Variants in CASZ1 observed in about 807,000 individuals in gnomAD.
CASZ1 encodes the protein castor zinc finger 1.
A neutral mutation model predicts 135.2 loss-of-function variants in CASZ1; 28 were observed. That is an observed-to-expected ratio of 0.21 (90% CI 0.15 to 0.28). The LOEUF (loss-of-function observed/expected upper bound fraction) is 0.28, where lower values mean the gene tolerates loss of function less well. CASZ1 is among the 10% of genes least tolerant of loss of function. The probability of loss-of-function intolerance (pLI) is 1.00; values close to 1 mark genes in which losing one functional copy is unlikely to be tolerated. For missense variants in CASZ1, 2,161 were observed against 2,453.3 expected (o/e 0.88, Z 2.52); for synonymous variants, 1,068 against 1,073.4 (o/e 0.99, Z 0.10).
chr1:10,668,745 T>G (rs1643314453), intron 4 of CASZ1, among the ~76,000 whole-genome samples: 1 of 152,260 alleles, frequency 6.6e-6, no homozygotes, highest in Admixed American at 6.5e-5. Flanking sequence ...GGCAAGATTT[T>G]TCCCTGTAGA....
At chr1:10,648,820 C>A in intron 15 of CASZ1, 1 of 517,354 alleles carries the variant, frequency 1.9e-6, no homozygotes, top group Non-Finnish European at 3.5e-6. Flanking sequence ...GCCCTGGGGA[C>A]GTGGGTGCAG....
intron 2 of CASZ1, among the ~76,000 whole-genome samples, chr1:10,754,876 A>G (rs144133424): frequency 3.3e-3 from 510 of 152,352 alleles, no homozygotes; most frequent in Non-Finnish European, 6.2e-3. Context: ...AAGGGAAAAA[A>G]AAGTCGCTTT....
rs768235168 is a variant in CASZ1, at chr1:10,747,974, G to T, written c.-77+12727C>A. On this transcript the variant is annotated intron_variant, in intron 2 of 20. Coordinates refer to ENST00000377022, the MANE Select transcript of CASZ1 (RefSeq NM_001079843.3). This position sits in a 1 kb window ranked among gnomAD's most constrained non-coding sequence, Gnocchi z 4.3. ...TGGGACTAGAGGCACCCGCCACCAC[G>T]CCCGGCTAAGTTTTTTGTATTTTTT... Among the ~76,000 whole-genome samples the T allele has an allele frequency of 6.6e-6, 1 of 152,076 alleles. No homozygotes were observed. Among genetic ancestry groups the T allele is most frequent in the African/African-American group, 2.4e-5 (1 of 41,382 alleles).
rs970141625 is a variant in CASZ1, at chr1:10,741,220, C to A, written c.-77+19481G>T. 7.2e-5 allele frequency among the ~76,000 whole-genome samples: 11 copies of A among 152,270 alleles called. No individual in the cohort carries two copies. The highest frequency in any genetic ancestry group is 2.6e-4 in the African/African-American group (11 of 41,568). ...CTGGTCTCCAACTCCTGACCTCAGG[C>A]GATCCACCCACCTCAGCTTCCCAAA... On this transcript the variant is annotated intron_variant, in intron 2 of 20. Coordinates refer to ENST00000377022, the MANE Select transcript of CASZ1 (RefSeq NM_001079843.3). The surrounding 1 kb of genome is among the most constrained non-coding windows in gnomAD (Gnocchi z 5.0).
At chr1:10,728,701 CG>C (rs1557536260) in intron 2 of CASZ1, among the ~76,000 whole-genome samples, 1 of 151,978 alleles carries the variant, frequency 6.6e-6, no homozygotes, top group African/African-American at 2.4e-5. Context: ...AAAAAAGCCT[CG>C]TTAGTTGCCA....
In CASZ1 at chr1:10,649,376, C is replaced by T. The variant is rs1642483408; in HGVS notation, c.2942G>A (p.Ser981Asn). 2 of 1,607,624 alleles carry T rather than the reference C, an allele frequency of 1.2e-6. No individual in the cohort carries two copies. Among genetic ancestry groups the T allele is most frequent in the Middle Eastern group, 1.7e-4 (1 of 6,048 alleles). Residue 981 changes from serine to asparagine, a missense_variant, in exon 14 of 21, where the codon AGC (serine) becomes AAC (asparagine). Ser to Asn is a conservative substitution (Grantham distance 46, BLOSUM62 1). Coordinates refer to ENST00000377022, the MANE Select transcript of CASZ1 (RefSeq NM_001079843.3). ...LLNIKAEAEG[S>N]PAAEPSPFLG... is the part of the protein sequence containing the mutation. Reference sequence around the variant, plus strand: ...GAAGGGCGAGGGCTCCGCAGCGGGGCTCCCCTCCGCTTCCGCCTTGATGTT... The same window carrying T: ...GAAGGGCGAGGGCTCCGCAGCGGGGTTCCCCTCCGCTTCCGCCTTGATGTT...
rs745664959 is a variant in CASZ1, at chr1:10,653,973, C to T, written c.2084G>A (p.Arg695Gln). 1.5e-5 allele frequency: 24 copies of T among 1,613,804 alleles called. No individual in the cohort carries two copies. The South Asian group carries it at 2.0e-4, about 13-fold the overall frequency. Residue 695 changes from arginine (R) to glutamine (Q), a missense_variant, in exon 11 of 21, where the codon CGG (arginine) becomes CAG (glutamine). Around this residue, in one of 7 missense-constraint regions of CASZ1, gnomAD observed 248 missense variants for 410.8 expected, o/e 0.60. Coordinates refer to ENST00000377022, the MANE Select transcript of CASZ1 (RefSeq NM_001079843.3). ...CAGCGCGCCCGAGGAGCGGATGTGC[C>T]GGCGCTCATGCTTGCGCTTGTGAGA... ...MTSHKRKHER[R>Q]HIRSSGALGL...
At chr1:10,763,215 G>A (rs1007807500) in intron 1 of CASZ1, among the ~76,000 whole-genome samples, 2 of 152,198 alleles carry the variant, frequency 1.3e-5, no homozygotes, top group African/African-American at 2.4e-5. Context: ...AGTGCAGAGC[G>A]CAGAGGCCGG....
At chr1:10,672,122 C>A (rs750310837) in intron 4 of CASZ1, among the ~76,000 whole-genome samples, 26 of 152,062 alleles carry the variant, frequency 1.7e-4, no homozygotes, top group Non-Finnish European at 3.4e-4. Context: ...CCCCGGCTCA[C>A]CCGCCCGCCG....
At chr1:10,769,437 C>T (rs998100124) in intron 1 of CASZ1, among the ~76,000 whole-genome samples, 6 of 152,188 alleles carry the variant, frequency 3.9e-5, no homozygotes, top group Non-Finnish European at 8.8e-5. Flanking sequence ...AGATAGATAA[C>T]TCATCAGTGT....
chr1:10,795,763 C>G (rs1004491763), intron 1 of CASZ1, among the ~76,000 whole-genome samples: 5 of 151,926 alleles, frequency 3.3e-5, no homozygotes, highest in Non-Finnish European at 5.9e-5. Flanking sequence ...TGGAGCAGCG[C>G]ACTTGAGATA....
chr1:10,782,374 G>A (rs981566210), intron 1 of CASZ1, among the ~76,000 whole-genome samples: 6 of 152,198 alleles, frequency 3.9e-5, no homozygotes, highest in East Asian at 1.9e-4. Flanking sequence ...CCTCAACATC[G>A]AAATCCTTCT....
chr1:10,648,020 G>T lies in CASZ1; in HGVS notation c.3278C>A (p.Thr1093Asn), dbSNP rs1302295434. Residue 1093 changes from threonine (T) to asparagine (N), a missense_variant, in exon 16 of 21, where the codon ACC (threonine) becomes AAC (asparagine). By Grantham distance (65) the Thr-to-Asn change is moderately conservative (BLOSUM62 0). Around this residue, in one of 7 missense-constraint regions of CASZ1, gnomAD observed 349 missense variants for 460.8 expected, o/e 0.76. Transcript: ENST00000377022. Reference sequence around the variant, plus strand: ...CTCCAGAGAGGACACCGTGGCCGTGGTGACAGGAGGGACCGGAGGGGACGA... The same window carrying T: ...CTCCAGAGAGGACACCGTGGCCGTGTTGACAGGAGGGACCGGAGGGGACGA... ...APSSPPVPPV[T>N]TATVSSLEGP... The T allele has an allele frequency of 1.2e-6, 2 of 1,601,070 alleles. No individual in the cohort carries two copies. Among genetic ancestry groups the T allele is most frequent in the African/African-American group, 2.7e-5 (2 of 74,648 alleles).
At chr1:10,740,977 A>T (rs1639908594) in intron 2 of CASZ1, among the ~76,000 whole-genome samples, 1 of 131,592 alleles carries the variant, frequency 7.6e-6, no homozygotes, top group Non-Finnish European at 1.6e-5. Context: ...AAAAAAAAAA[A>T]GAAAAAAAAG....
At chr1:10,728,247 C>T (rs1236459422) in intron 2 of CASZ1, among the ~76,000 whole-genome samples, 1 of 152,248 alleles carries the variant, frequency 6.6e-6, no homozygotes, top group East Asian at 1.9e-4. Flanking sequence ...ATCAACTGGG[C>T]ACCTCTGGGT....
At chr1:10,718,760 C>T (rs1012965327) in intron 2 of CASZ1, among the ~76,000 whole-genome samples, 8 of 152,240 alleles carry the variant, frequency 5.3e-5, no homozygotes, top group Non-Finnish European at 1.0e-4. Flanking sequence ...CACTGGCATC[C>T]GTAGGAGTCT....
At chr1:10,648,947 G>C (rs565597565) in intron 15 of CASZ1, 123 bp downstream of exon 15, 1 of 1,355,080 alleles carries the variant, frequency 7.4e-7, no homozygotes, top group Admixed American at 2.2e-5. Flanking sequence ...CAGCATCTCC[G>C]AGAAGCCGGC....
At chr1:10,775,464 G>C (rs1230070474) in intron 1 of CASZ1, among the ~76,000 whole-genome samples, 1 of 152,090 alleles carries the variant, frequency 6.6e-6, no homozygotes. Context: ...CGGGGGGATT[G>C]AGAAAGTCCC....
rs969395708 is a variant in CASZ1, at chr1:10,694,741, T to A, written c.-23-829A>T. On this transcript the variant is annotated intron_variant, in intron 3 of 20. Transcript: ENST00000377022. The surrounding 1 kb of genome is among the most constrained non-coding windows in gnomAD (Gnocchi z 6.6). ...GCGCCGCACTGGCAGGGCGGCCGGC[T>A]CCATTGGCTCTGCGATTCCCCAAAC... Among the ~76,000 whole-genome samples the A allele has an allele frequency of 1.1e-4, 15 of 142,060 alleles. No homozygotes were observed. The East Asian group carries it at 3.1e-3, about 29-fold the overall frequency. The allele number at this position is 142,060 out of a possible 152,430, so 93.2% of individuals were successfully genotyped here. A position where few individuals can be genotyped will look rare whatever the true frequency, so the allele number is the denominator to read the frequency against.
Sources: allele counts gnomAD v4.1 joint callset (sites outside exome capture counted in the v4.1 genomes callset), GRCh38; gene constraint gnomAD v4.1.1; regional missense constraint gnomAD v4.1.1; non-coding constraint Gnocchi (gnomAD v3.1); transcripts MANE v1.5; gene names NCBI Gene and HGNC (gene_info 2026-07-23, HGNC 2026-07-21).